Variants in PRRT4 observed in about 807,000 individuals in gnomAD.
PRRT4 encodes the protein proline-rich transmembrane protein 4.
A neutral mutation model predicts 55.6 loss-of-function variants in PRRT4; 59 were observed. The ratio of observed to expected loss-of-function variants is 1.06; its 90% CI spans 0.86 to 1.32. The LOEUF is 1.32. PRRT4 is among the 40% of genes most tolerant of loss of function. The pLI is 0.00. For missense variants in PRRT4, 1,217 were observed against 1,222.0 expected, an observed-to-expected ratio of 1.00 and a Z score of 0.06; for synonymous variants, 606 against 601.8, an observed-to-expected ratio of 1.01 and a Z score of -0.10.
rs915941882 is a variant in PRRT4, at chr7:128,352,242, G to T, written c.1314C>A (p.Asp438Glu). The T allele has an allele frequency of 1.3e-6, 2 of 1,540,930 alleles. No individual in the cohort carries two copies. The highest frequency in any genetic ancestry group is 1.7e-6 in the Non-Finnish European group (2 of 1,145,850). The stretch of plus-strand genomic sequence containing the variant: ...CGGCAGCCAAGCAGGGCAGCGGAAG[G>T]TCCTGCAGCAGCAGCCAGGCGAGCG... The change falls in exon 5 of 5, where the codon GAC becomes GAA. Residue 438 changes from aspartate (D) to glutamate (E), a missense_variant. By Grantham distance (45) the Asp-to-Glu change is conservative. This residue lies in a region of PRRT4 where 564 missense variants were observed against 592.9 expected (regional missense o/e 0.95). Coordinates refer to ENST00000535159, the Ensembl canonical transcript of PRRT4.
At chr7:128,350,605 A>C (rs1162860907), downstream of PRRT4, 1 of 569,330 alleles carries the variant, frequency 1.8e-6, no homozygotes, top group African/African-American at 1.9e-5. Context: ...AATGCCAAGG[A>C]AAATGGGACC....
chr7:128,352,433 C>G lies in PRRT4; in HGVS notation c.1123G>C (p.Gly375Arg). 6 of 1,537,478 alleles carry G rather than the reference C, an allele frequency of 3.9e-6. No individual in the cohort carries two copies. The East Asian group carries it at 9.8e-5, about 25-fold the overall frequency. The change falls in exon 5 of 5, where the codon GGC (glycine) becomes CGC (arginine). Residue 375 changes from glycine (G) to arginine (R), a missense_variant. Coordinates refer to ENST00000535159, the Ensembl canonical transcript of PRRT4. ...AGCAGCGCCAGCAAGGCAACCAGGC[C>G]GAAGAGCGCGCCTACCCCGTACACG...
chr7:128,358,919 A>G lies in PRRT4; in HGVS notation c.758-119T>C. ...TCCTAAGGAAGTCACTGTCCCAGGA[A>G]TTGTAGCCACATGCTAAGCTCATGT... On this transcript the variant is annotated intron_variant, in intron 3 of 4. Transcript: ENST00000535159. This position sits in a 1 kb window ranked among gnomAD's most constrained non-coding sequence, Gnocchi z 4.4. 2 of 1,431,776 alleles carry G rather than the reference A, an allele frequency of 1.4e-6. No individual in the cohort carries two copies. The highest frequency in any genetic ancestry group is 1.8e-6 in the Non-Finnish European group (2 of 1,083,358). The allele number at this position is 1,431,776 out of a possible 1,614,324, so 88.7% of individuals were successfully genotyped here.
exon 5 of PRRT4, chr7:128,352,390 G>A: frequency 1.3e-6 from 2 of 1,524,544 alleles, no homozygotes; most frequent in Non-Finnish European, 1.8e-6. Context: ...GCACCGCCAG[G>A]GCAAGAGGGC....
chr7:128,357,232 ACACACTCTCTCTCTCTCTCT>A (rs1797131235), intron 4 of PRRT4, among the ~76,000 whole-genome samples: 1 of 121,534 alleles, frequency 8.2e-6, no homozygotes, highest in Non-Finnish European at 1.8e-5. Context: ...ACACACACAC[ACACACTCTCTCTCTCTCTCT>A]CTCTCTCTCT....
chr7:128,360,365 G>A (rs1797219113), intron 1 of PRRT4, among the ~76,000 whole-genome samples: 1 of 152,184 alleles, frequency 6.6e-6, no homozygotes, highest in Admixed American at 6.5e-5. Context: ...TGGGCTTCCA[G>A]ACATGGATTC....
At chr7:128,359,591 C>A (rs56272205) in exon 2 of PRRT4, 14 of 1,510,326 alleles carry the variant, frequency 9.3e-6, no homozygotes, top group African/African-American at 1.4e-5. Context: ...CCCAGAGCGC[C>A]GGGATGTGGA....
intron 4 of PRRT4, among the ~76,000 whole-genome samples, chr7:128,353,003 G>A (rs570569773): frequency 6.6e-6 from 1 of 152,092 alleles, no homozygotes; most frequent in African/African-American, 2.4e-5. Context: ...CTTTACAACT[G>A]GAAGGAGCCT....
exon 5 of PRRT4, chr7:128,351,086 T>C (rs746206846): frequency 6.5e-7 from 1 of 1,548,644 alleles, no homozygotes; most frequent in South Asian, 1.2e-5. Context: ...CGCGGGGGCC[T>C]GTCGGGGCTG....
chr7:128,352,095 C>T (rs925166421), exon 5 of PRRT4: 4 of 1,150,516 alleles, frequency 3.5e-6, no homozygotes, highest in Non-Finnish European at 4.3e-6. Context: ...GCGGGCGATG[C>T]GCGGCGCTCC....
intron 1 of PRRT4, 92 bp from the exon 3 acceptor site, chr7:128,360,155 A>C: frequency 4.0e-6 from 2 of 503,660 alleles, no homozygotes; most frequent in Non-Finnish European, 3.1e-6. Context: ...TTCTGATCTC[A>C]GAGAAGCAGG....
rs1377401408 is a variant in PRRT4, at chr7:128,352,466, C to A, written c.1090G>T (p.Glu364Ter). ...GCGCCTACCCCGTACACGTGGGCCT[C>A]CCAGGCCAGCCCCCAGCGAGCCCTG... The change falls in exon 5 of 5, where the codon GAG becomes TAG. Residue 364 changes from glutamate to a stop codon, truncating the protein, a stop_gained. Transcript: ENST00000535159. LOFTEE classifies it high-confidence loss of function. 6.5e-7 allele frequency: 1 copy of A among 1,539,632 alleles called. No homozygotes were observed. The highest frequency in any genetic ancestry group is 8.7e-7 in the Non-Finnish European group (1 of 1,146,672).
At chr7:128,351,999 C>A (rs767637164) in exon 5 of PRRT4, 5 of 1,313,630 alleles carry the variant, frequency 3.8e-6, no homozygotes, top group South Asian at 2.0e-5. Context: ...GCCGCCCGCC[C>A]CAGCAGGAGA....
chr7:128,353,284 T>C (rs1464245877), intron 4 of PRRT4, among the ~76,000 whole-genome samples: 1 of 152,094 alleles, frequency 6.6e-6, no homozygotes, highest in Non-Finnish European at 1.5e-5. Flanking sequence ...TGAGCCCCTT[T>C]CTGTGATTCC....
chr7:128,360,621 T>C (rs1414231987), intron 1 of PRRT4, among the ~76,000 whole-genome samples: 2 of 152,106 alleles, frequency 1.3e-5, no homozygotes, highest in Non-Finnish European at 2.9e-5. Context: ...GCCCAGGCTC[T>C]GGCCAGAGAA....
chr7:128,356,475 C>G (rs2116475995), intron 4 of PRRT4, among the ~76,000 whole-genome samples: 1 of 152,272 alleles, frequency 6.6e-6, no homozygotes, highest in East Asian at 1.9e-4. Context: ...ACCTCATCAC[C>G]CATCTCCCCA....
In PRRT4 at chr7:128,360,770, C is replaced by T. The variant is rs546595516; in HGVS notation, c.-72-707G>A. ...CGATCTCCGGCTTCCTGGAGGAGAACGCCAGGCAGGCAAGCTGGGCGAACT... is the reference window on the plus strand; with the variant it reads ...CGATCTCCGGCTTCCTGGAGGAGAATGCCAGGCAGGCAAGCTGGGCGAACT... On this transcript the variant is annotated intron_variant, in intron 1 of 4. Transcript: ENST00000535159. 3.9e-5 allele frequency among the ~76,000 whole-genome samples: 6 copies of T among 152,156 alleles called. No homozygotes were observed. In the South Asian group the frequency reaches 1.2e-3, roughly 32 times the overall value.
At chr7:128,351,245 C>G (rs1312846918) in exon 5 of PRRT4, 1 of 1,539,666 alleles carries the variant, frequency 6.5e-7, no homozygotes, top group East Asian at 2.4e-5. Context: ...CTGGCCCTGC[C>G]CCCGGTCCCC....
At chr7:128,354,717 G>A (rs1797077985) in intron 4 of PRRT4, among the ~76,000 whole-genome samples, 1 of 152,182 alleles carries the variant, frequency 6.6e-6, no homozygotes, top group African/African-American at 2.4e-5. Flanking sequence ...AGAAGGAAAG[G>A]GAAGATGGAA....
Sources: allele counts gnomAD v4.1 joint callset (sites outside exome capture counted in the v4.1 genomes callset), GRCh38; gene constraint gnomAD v4.1.1; regional missense constraint gnomAD v4.1.1; non-coding constraint Gnocchi (gnomAD v3.1); transcripts MANE v1.5; gene names NCBI Gene and HGNC (gene_info 2026-07-23, HGNC 2026-07-21).